TBX1: variants seen among roughly 807,000 people sequenced by gnomAD.
The protein encoded by TBX1 is T-box transcription factor 1, also known as T-box transcription factor TBX1.
A neutral mutation model predicts 40.8 loss-of-function variants in TBX1; 16 were observed. The ratio of observed to expected loss-of-function variants is 0.39; its 90% CI spans 0.27 to 0.60. The LOEUF is 0.60. TBX1 is among the 20% of genes least tolerant of loss of function. TBX1 has a pLI of 0.51. For missense variants in TBX1, 755 were observed against 728.5 expected, an observed-to-expected ratio of 1.04 and a Z score of -0.42; for synonymous variants, 403 against 336.8, an observed-to-expected ratio of 1.20 and a Z score of -2.15.
intron 1 of TBX1, among the ~76,000 whole-genome samples, chr22:19,762,307 G>T (rs1013776208): frequency 6.6e-6 from 1 of 152,256 alleles, no homozygotes; most frequent in Non-Finnish European, 1.5e-5. Context: ...GTGGGGGAGG[G>T]AGCGGGCCTG....
downstream of TBX1, among the ~76,000 whole-genome samples, chr22:19,770,870 AGT>A (rs551092651): frequency 1.5e-3 from 235 of 152,312 alleles, 1 homozygote; most frequent in Non-Finnish European, 2.8e-3. Context: ...GGATGGCTCC[AGT>A]GTGTCAGGCA....
At position 19,766,935 on chromosome 22, in the gene TBX1, G is replaced by A; in HGVS notation, c.*68G>A. 1.3e-6 allele frequency: 2 copies of A among 1,553,086 alleles called. No individual in the cohort carries two copies. The highest frequency in any genetic ancestry group is 1.7e-6 in the Non-Finnish European group (2 of 1,159,286). On this transcript the variant is annotated 3_prime_UTR_variant, in exon 7 of 7. Coordinates refer to ENST00000649276, the MANE Select transcript of TBX1 (RefSeq NM_001379200.1). ...GAAGTTCGCCGGGCCCGGCCACCCT[G>A]CCCCAAGGGCAAGCAAGGAATACGT... is the stretch of plus-strand genomic sequence containing the variant.
chr22:19,779,228 G>T, exon 9 of TBX1: 6 of 1,614,222 alleles, frequency 3.7e-6, no homozygotes, highest in Non-Finnish European at 5.1e-6. Context: ...AGGTGGACAT[G>T]TCCTGAAGGA....
chr22:19,771,168 G>C (rs981682133), downstream of TBX1, among the ~76,000 whole-genome samples: 2 of 152,132 alleles, frequency 1.3e-5, no homozygotes, highest in African/African-American at 2.4e-5. Context: ...TTCACCCCCC[G>C]CCCTGAAGGA....
chr22:19,759,796 T>C, upstream of TBX1: 1 of 1,209,648 alleles, frequency 8.3e-7, no homozygotes, highest in Non-Finnish European at 1.2e-6. Flanking sequence ...TCCAGGCTTC[T>C]GGCTGCGATT....
chr22:19,778,552 A>G (rs1311714044), intron 8 of TBX1, among the ~76,000 whole-genome samples: 1 of 151,190 alleles, frequency 6.6e-6, no homozygotes, highest in Non-Finnish European at 1.5e-5. Flanking sequence ...CTCCTGCCTC[A>G]GCCTCCCAAA....
At chr22:19,781,938 C>T (rs185119878), downstream of TBX1, among the ~76,000 whole-genome samples, 49 of 151,968 alleles carry the variant, frequency 3.2e-4, no homozygotes, top group East Asian at 5.8e-3. Context: ...GACTGGGCAA[C>T]GCAGTGAGAC....
chr22:19,779,507 G>A, exon 9 of TBX1: 1 of 1,570,240 alleles, frequency 6.4e-7, no homozygotes. Context: ...GACTTGTTCA[G>A]TAAATTCCAA....
At position 19,767,081 on chromosome 22, in the gene TBX1, C is replaced by T. The variant is rs1282570353; in HGVS notation, c.*214C>T. 1.6e-6 allele frequency: 2 copies of T among 1,269,562 alleles called. No homozygotes were observed. Among genetic ancestry groups the T allele is most frequent in the Non-Finnish European group, 2.0e-6 (2 of 1,010,646 alleles). The allele number at this position is 1,269,562 out of a possible 1,614,324, so 78.6% of individuals were successfully genotyped here. A position where few individuals can be genotyped will look rare whatever the true frequency, so the allele number is the denominator to read the frequency against. On this transcript the variant is annotated 3_prime_UTR_variant, in exon 7 of 7. Transcript: ENST00000649276. ...TATCCGGTTCCCCAGTCCCTGGAGC[C>T]ACCGCGGGTCCTTCCCCGGCCCCGA... is the stretch of plus-strand genomic sequence containing the variant.
At chr22:19,780,921 T>C (rs1383669986), downstream of TBX1, among the ~76,000 whole-genome samples, 2 of 151,638 alleles carry the variant, frequency 1.3e-5, no homozygotes, top group Non-Finnish European at 2.9e-5. Context: ...TAGCTAGGAC[T>C]ACAGGTGCCC....
chr22:19,766,016 C>A lies in TBX1; in HGVS notation c.1036+14C>A, dbSNP rs752369951. 6.7e-7 allele frequency: 1 copy of A among 1,491,610 alleles called. No homozygotes were observed. Among genetic ancestry groups the A allele is most frequent in the South Asian group, 1.3e-5 (1 of 79,802 alleles). The allele number at this position is 1,491,610 out of a possible 1,614,324, so 92.4% of individuals were successfully genotyped here. ...GCACGGAGAAAGGTAGGGCCGGGGT[C>A]GTGGGATCCGGGTTCCGGCCCTGTG... On this transcript the variant is annotated intron_variant, in intron 6 of 6. Transcript: ENST00000649276.
chr22:19,777,783 A>G (rs1339084185), intron 8 of TBX1, among the ~76,000 whole-genome samples: 1 of 143,782 alleles, frequency 7.0e-6, no homozygotes, highest in African/African-American at 2.6e-5. Context: ...TTTTTGAGAC[A>G]GGGTCTCCCT....
At position 19,761,135 on chromosome 22, in the gene TBX1, C is replaced by A. The variant is rs1401594310; in HGVS notation, c.292C>A (p.Pro98Thr). ...ATSAAAEPEG[P>T]GASCAAAAKA... is the part of the protein sequence containing the mutation. Reference sequence around the variant, plus strand: ...CAGCGCCGCCGCCGAGCCCGAGGGCCCCGGGGCCAGCTGCGCGGCCGCAGC... The same window carrying A: ...CAGCGCCGCCGCCGAGCCCGAGGGCACCGGGGCCAGCTGCGCGGCCGCAGC... Residue 98 changes from proline to threonine, a missense_variant, in exon 1 of 7, where the codon CCC becomes ACC. Around this residue, in one of 3 missense-constraint regions of TBX1, gnomAD observed 199 missense variants for 173.0 expected, o/e 1.15. Coordinates refer to ENST00000649276, the MANE Select transcript of TBX1 (RefSeq NM_001379200.1). 1 of 1,439,190 alleles carries A rather than the reference C, an allele frequency of 6.9e-7. No individual in the cohort carries two copies. Among genetic ancestry groups the A allele is most frequent in the Admixed American group, 2.3e-5 (1 of 42,870 alleles). The allele number at this position is 1,439,190 out of a possible 1,614,324, so 89.2% of individuals were successfully genotyped here.
At chr22:19,759,496 G>A, upstream of TBX1, 1 of 1,486,450 alleles carries the variant, frequency 6.7e-7, no homozygotes, top group Admixed American at 2.2e-5. Context: ...GGGCGCCTAT[G>A]GACGCGCGGA....
At chr22:19,768,953 C>CTTTTTTTTTTTTTTTTTTTT (rs36085623), downstream of TBX1, among the ~76,000 whole-genome samples, 464 of 66,096 alleles carry the variant, frequency 7.0e-3, 80 homozygotes, top group Non-Finnish European at 9.7e-3. Flanking sequence ...TGTTCGCATT[C>CTTTTTTTTTTTTTTTTTTTT]TTTTTTTTTT....
At chr22:19,771,236 A>G (rs1399037438), downstream of TBX1, among the ~76,000 whole-genome samples, 1 of 152,216 alleles carries the variant, frequency 6.6e-6, no homozygotes, top group Non-Finnish European at 1.5e-5. Context: ...AGCCTGGCAT[A>G]GTGGCACCCA....
Position 19,761,264 on chromosome 22 carries a change from G to C in TBX1, c.421G>C (p.Val141Leu). 2 of 1,561,878 alleles carry C rather than the reference G, an allele frequency of 1.3e-6. No individual in the cohort carries two copies. Among genetic ancestry groups the C allele is most frequent in the Non-Finnish European group, 1.7e-6 (2 of 1,151,998 alleles). The change falls in exon 1 of 7, where the codon GTC becomes CTC. Residue 141 changes from valine (V) to leucine (L), a missense_variant. By Grantham distance (32) the Val-to-Leu change is conservative. This residue lies in a region of TBX1 where 144 missense variants were observed against 238.0 expected (regional missense o/e 0.61). Coordinates refer to ENST00000649276, the MANE Select transcript of TBX1 (RefSeq NM_001379200.1). Reference protein sequence around the residue: ...EFNQLGTEMIVTKAGRRMFPT... With the variant: ...EFNQLGTEMILTKAGRRMFPT... ...CAACCAGCTGGGCACCGAGATGATCGTCACCAAGGCCGGCAGGTCAGGGCG... is the reference window on the plus strand; with the variant it reads ...CAACCAGCTGGGCACCGAGATGATCCTCACCAAGGCCGGCAGGTCAGGGCG...
In TBX1 at chr22:19,766,907, C is replaced by A; in HGVS notation, c.*40C>A. 2 of 1,575,028 alleles carry A rather than the reference C, an allele frequency of 1.3e-6. No homozygotes were observed. The highest frequency in any genetic ancestry group is 1.7e-6 in the Non-Finnish European group (2 of 1,168,726). ...CGCTCCCGCCCCGGTCCTGCACAGC[C>A]CCGAAGTTCGCCGGGCCCGGCCACC... On this transcript the variant is annotated 3_prime_UTR_variant, in exon 7 of 7. Transcript: ENST00000649276.
At chr22:19,768,543 G>A (rs536003647), downstream of TBX1, among the ~76,000 whole-genome samples, 66 of 152,276 alleles carry the variant, frequency 4.3e-4, no homozygotes, top group Non-Finnish European at 8.8e-5. Flanking sequence ...GCATTTGGGG[G>A]GACGGCTGTG....
Sources: allele counts gnomAD v4.1 joint callset (sites outside exome capture counted in the v4.1 genomes callset), GRCh38; gene constraint gnomAD v4.1.1; regional missense constraint gnomAD v4.1.1; transcripts MANE v1.5; gene names NCBI Gene and HGNC (gene_info 2026-07-23, HGNC 2026-07-21).